GSG1L: variants seen among roughly 807,000 people sequenced by gnomAD.
GSG1L encodes GSG1 like, also known as germ cell-specific gene 1-like protein.
GSG1L carries 24 observed loss-of-function variants against 42.1 expected under a neutral mutation model. The observed-to-expected ratio is 0.57, with a 90% CI of 0.41 to 0.80. The LOEUF (loss-of-function observed/expected upper bound fraction) is 0.80. Ranked by LOEUF, GSG1L falls within the 30% of genes least tolerant of loss-of-function variation. GSG1L has a pLI of 0.00. For missense variants in GSG1L, 445 were observed against 472.2 expected (o/e 0.94, Z 0.53); for synonymous variants, 215 against 203.5 (o/e 1.06, Z -0.48).
intron 4 of GSG1L, among the ~76,000 whole-genome samples, chr16:27,844,412 A>G (rs2083420049): frequency 6.6e-6 from 1 of 151,766 alleles, no homozygotes. Context: ...CAGCTCGCCT[A>G]ACTTCAGGTC....
chr16:27,817,026 G>A (rs2083102037), intron 5 of GSG1L, among the ~76,000 whole-genome samples: 1 of 152,156 alleles, frequency 6.6e-6, no homozygotes, highest in Non-Finnish European at 1.5e-5. Flanking sequence ...ATGGAGGCTG[G>A]GTGTTTGCTC....
At chr16:27,916,727 T>C (rs1200887646) in intron 2 of GSG1L, among the ~76,000 whole-genome samples, 1 of 152,172 alleles carries the variant, frequency 6.6e-6, no homozygotes, top group African/African-American at 2.4e-5. Flanking sequence ...TCATTCTTTG[T>C]GTGTAAAATG....
At chr16:27,972,959 T>C (rs894640434) in intron 1 of GSG1L, among the ~76,000 whole-genome samples, 1 of 152,190 alleles carries the variant, frequency 6.6e-6, no homozygotes. Flanking sequence ...TGGGGCAGAA[T>C]AGTTCAGTGG....
chr16:27,853,837 C>T (rs879576278), intron 3 of GSG1L, among the ~76,000 whole-genome samples: 1 of 152,164 alleles, frequency 6.6e-6, no homozygotes, highest in African/African-American at 2.4e-5. Flanking sequence ...ATCCCAGAGG[C>T]CATGGCCGCA....
intron 2 of GSG1L, among the ~76,000 whole-genome samples, chr16:27,906,343 C>A (rs1463374282): frequency 2.0e-5 from 3 of 152,084 alleles, no homozygotes; most frequent in African/African-American, 4.8e-5. Context: ...GTTTCCCTGG[C>A]GGAAACATTT....
chr16:28,006,698 T>C (rs2085643436), intron 1 of GSG1L, among the ~76,000 whole-genome samples: 1 of 152,154 alleles, frequency 6.6e-6, no homozygotes, highest in Non-Finnish European at 1.5e-5. Flanking sequence ...TTTAAGCCAC[T>C]AAGTTTGTGG....
At chr16:27,823,515 C>T (rs931317955) in intron 5 of GSG1L, among the ~76,000 whole-genome samples, 1 of 152,102 alleles carries the variant, frequency 6.6e-6, no homozygotes, top group African/African-American at 2.4e-5. Context: ...CCATCAGCCC[C>T]CGCAGGGCAC....
intron 3 of GSG1L, among the ~76,000 whole-genome samples, chr16:27,862,322 G>A (rs2083664392): frequency 6.6e-6 from 1 of 152,150 alleles, no homozygotes; most frequent in Non-Finnish European, 1.5e-5. Flanking sequence ...CAACAGCCAG[G>A]AGAAACTGAA....
chr16:27,996,692 T>C (rs961413516), intron 1 of GSG1L, among the ~76,000 whole-genome samples: 3 of 152,236 alleles, frequency 2.0e-5, no homozygotes, highest in African/African-American at 7.2e-5. Context: ...CTCTATTCAT[T>C]TTCCATTGCT....
At position 27,884,007 on chromosome 16, in the gene GSG1L, G is replaced by A. The variant is rs1474367951; in HGVS notation, c.550+479C>T. Among the ~76,000 whole-genome samples, 2 of 152,138 alleles carry A rather than the reference G, an allele frequency of 1.3e-5. No homozygotes were observed. Among genetic ancestry groups the A allele is most frequent in the Non-Finnish European group, 2.9e-5 (2 of 68,028 alleles). On this transcript the variant is annotated intron_variant, in intron 3 of 6. Transcript: ENST00000447459. The surrounding 1 kb of genome is among the most constrained non-coding windows in gnomAD (Gnocchi z 4.4). ...GTTTGATCATTCGACTTCCCATGCA[G>A]CATCTCCACGTGGAGTTCTCAAAGC...
chr16:27,909,499 A>T (rs1187465033), intron 2 of GSG1L, among the ~76,000 whole-genome samples: 1 of 148,548 alleles, frequency 6.7e-6, no homozygotes, highest in African/African-American at 2.5e-5. Flanking sequence ...CAAGGGTCCC[A>T]CCTCAGCCTC....
intron 2 of GSG1L, among the ~76,000 whole-genome samples, chr16:27,927,452 T>TGCCTCACCTGGACCG (rs889977448): frequency 3.3e-5 from 5 of 152,138 alleles, no homozygotes; most frequent in Admixed American, 6.5e-5. Flanking sequence ...GGAGGAAAGA[T>TGCCTCACCTGGACCG]GCCTCACCTG....
chr16:27,852,081 G>A (rs771890776), intron 3 of GSG1L, among the ~76,000 whole-genome samples: 1 of 152,240 alleles, frequency 6.6e-6, no homozygotes, highest in Non-Finnish European at 1.5e-5. Flanking sequence ...ATACCAGGGA[G>A]GTAGCTGATT....
chr16:27,850,999 C>T (rs111782822), intron 3 of GSG1L, among the ~76,000 whole-genome samples: 1 of 151,870 alleles, frequency 6.6e-6, no homozygotes, highest in Non-Finnish European at 1.5e-5. Context: ...TTTCCATGCC[C>T]ATGCAGAATG....
At chr16:27,943,566 C>CTTTT (rs11385465) in intron 2 of GSG1L, among the ~76,000 whole-genome samples, 23 of 67,722 alleles carry the variant, frequency 3.4e-4, no homozygotes, top group East Asian at 5.7e-4. Context: ...TTCTTTGTTT[C>CTTTT]TTTTTTTTTT....
chr16:27,917,554 C>A (rs1046999829), intron 2 of GSG1L, among the ~76,000 whole-genome samples: 1 of 152,092 alleles, frequency 6.6e-6, no homozygotes, highest in African/African-American at 2.4e-5. Context: ...GCATAGGAGG[C>A]CTTCCTCTGA....
intron 3 of GSG1L, among the ~76,000 whole-genome samples, chr16:27,866,659 C>A (rs925721697): frequency 2.0e-5 from 3 of 151,796 alleles, no homozygotes; most frequent in Non-Finnish European, 2.9e-5. Context: ...TCAACCTCCG[C>A]CCCCCAGGTT....
rs965392760 is a variant in GSG1L at position 27,803,800 on chromosome 16, G to GATAGATATAGAT, written c.898+3675_898+3686dup. Among the ~76,000 whole-genome samples, 19 of 74,236 alleles carry GATAGATATAGAT rather than the reference G, an allele frequency of 2.6e-4. 1 individual carries two copies. The highest frequency in any genetic ancestry group is 3.2e-4 in the Non-Finnish European group (11 of 34,870). 48.7% of individuals were successfully genotyped at this position (74,236 alleles called of 152,430 possible). On this transcript the variant is annotated intron_variant, in intron 6 of 6. Transcript: ENST00000447459. The stretch of plus-strand genomic sequence containing the variant: ...ATATATATATATATATATATAGATA[G>GATAGATATAGAT]ATAGATATAGATATAGATATAGATA...
chr16:27,979,642 GGAAAGAAAGAAA>G (rs200521273), intron 1 of GSG1L, among the ~76,000 whole-genome samples: 1 of 55,982 alleles, frequency 1.8e-5, no homozygotes, highest in Non-Finnish European at 3.3e-5. Context: ...AGGAGGGAGG[GGAAAGAAAGAAA>G]GAAAGAAAGA....
Sources: allele counts gnomAD v4.1 joint callset (sites outside exome capture counted in the v4.1 genomes callset), GRCh38; gene constraint gnomAD v4.1.1; non-coding constraint Gnocchi (gnomAD v3.1); transcripts MANE v1.5; gene names NCBI Gene and HGNC (gene_info 2026-07-23, HGNC 2026-07-21).